UBE2D3: variants seen among roughly 807,000 people sequenced by gnomAD.
The protein encoded by UBE2D3 is ubiquitin-conjugating enzyme E2 D3.
In UBE2D3, 2 loss-of-function variants were observed where a neutral mutation model predicts 22.8. The observed-to-expected ratio is 0.09, with a 90% CI of 0.04 to 0.28. The LOEUF is 0.28. UBE2D3 is among the 10% of genes least tolerant of loss of function. UBE2D3 has a pLI of 1.00. For synonymous variants in UBE2D3, 56 were observed against 60.4 expected, an observed-to-expected ratio of 0.93 and a Z score of 0.34; for missense variants, 27 against 182.5, an observed-to-expected ratio of 0.15 and a Z score of 4.91.
At chr4:102,846,455 A>G (rs1732045329) in intron 1 of UBE2D3, among the ~76,000 whole-genome samples, 1 of 152,236 alleles carries the variant, frequency 6.6e-6, no homozygotes, top group Admixed American at 6.5e-5. Flanking sequence ...ACCCATGCCA[A>G]TAAATTTGCC....
Position 102,836,770 on chromosome 4 carries a change from T to C in UBE2D3, c.-128-10134A>G, listed in dbSNP as rs535110385. On this transcript the variant is annotated intron_variant, in intron 1 of 7. Coordinates refer to the UBE2D3 transcript ENST00000338145. ...TTTGCATTTTCCTAGTGACCAATGA[T>C]ATTGGCATTTTTTCATGTGCTTCTT... Among the ~76,000 whole-genome samples, 5 of 152,356 alleles carry C rather than the reference T, an allele frequency of 3.3e-5. No homozygotes were observed. In the South Asian group the frequency reaches 1.0e-3, roughly 32 times the overall value.
chr4:102,828,977 T>A (rs1730949358), upstream of UBE2D3, among the ~76,000 whole-genome samples: 1 of 152,232 alleles, frequency 6.6e-6, no homozygotes. Flanking sequence ...AAACTTGTTT[T>A]AAAAATACAC....
At chr4:102,826,141 C>A (rs1730435610) in intron 2 of UBE2D3, among the ~76,000 whole-genome samples, 1 of 152,082 alleles carries the variant, frequency 6.6e-6, no homozygotes, top group Non-Finnish European at 1.5e-5. Flanking sequence ...GCCATGACAT[C>A]TGCTGGAGCG....
intron 2 of UBE2D3, among the ~76,000 whole-genome samples, chr4:102,819,329 CA>C (rs762178343): frequency 0.013 from 1,113 of 85,356 alleles, 6 homozygotes; most frequent in Middle Eastern, 0.032. Flanking sequence ...GACTCCGCCT[CA>C]AAAAAAAAAA....
chr4:102,825,383 A>G, intron 2 of UBE2D3: 1 of 1,027,786 alleles, frequency 9.7e-7, no homozygotes, highest in Non-Finnish European at 1.2e-6. Context: ...AATACAGTTT[A>G]AGAGTTTGAA....
chr4:102,828,095 G>A (rs1478914498), upstream of UBE2D3: 3 of 985,336 alleles, frequency 3.0e-6, no homozygotes, highest in Non-Finnish European at 1.2e-6. Context: ...GTAAGGCACC[G>A]GCTCGAACTG....
intron 1 of UBE2D3, 22 bp from the exon 2 acceptor site, chr4:102,826,658 T>A: frequency 6.5e-7 from 1 of 1,547,826 alleles, no homozygotes; most frequent in African/African-American, 1.4e-5. Context: ...ACGGAGCAGA[T>A]CAGCACTCGC....
At chr4:102,846,553 T>C (rs540424993) in intron 1 of UBE2D3, among the ~76,000 whole-genome samples, 50 of 152,316 alleles carry the variant, frequency 3.3e-4, no homozygotes, top group Non-Finnish European at 6.6e-4. Flanking sequence ...CTACATAGGT[T>C]TTCTCTCTCC....
intron 1 of UBE2D3, among the ~76,000 whole-genome samples, chr4:102,837,289 A>G (rs1027707056): frequency 3.3e-5 from 5 of 152,244 alleles, no homozygotes; most frequent in Non-Finnish European, 7.3e-5. Context: ...ATTAAAAATT[A>G]TAGAAACTGA....
At chr4:102,868,434 A>G (rs1733278401) in intron 1 of UBE2D3, among the ~76,000 whole-genome samples, 1 of 152,152 alleles carries the variant, frequency 6.6e-6, no homozygotes, top group South Asian at 2.1e-4. Context: ...AAGGACTACT[A>G]CGAATCTTCT....
At chr4:102,867,601 T>A (rs1350316381) in intron 1 of UBE2D3, among the ~76,000 whole-genome samples, 1 of 152,206 alleles carries the variant, frequency 6.6e-6, no homozygotes, top group Admixed American at 6.5e-5. Flanking sequence ...CTATCCAGCC[T>A]GGGCGATATA....
chr4:102,857,822 T>A (rs1374156158), intron 1 of UBE2D3, among the ~76,000 whole-genome samples: 1 of 152,074 alleles, frequency 6.6e-6, no homozygotes, highest in East Asian at 1.9e-4. Flanking sequence ...GCCTCCTGAG[T>A]AGCTAGGATT....
intron 1 of UBE2D3, among the ~76,000 whole-genome samples, chr4:102,868,008 C>T (rs751684980): frequency 1.1e-4 from 17 of 151,762 alleles, no homozygotes; most frequent in Middle Eastern, 3.2e-3. Flanking sequence ...CATAAGGACC[C>T]CCTGCGCTAG....
intron 1 of UBE2D3, among the ~76,000 whole-genome samples, chr4:102,865,444 A>G (rs921609844): frequency 4.0e-5 from 6 of 150,758 alleles, no homozygotes; most frequent in African/African-American, 1.5e-4. Context: ...GTGAGCTGAG[A>G]TCGCGCCATT....
chr4:102,810,590 G>A (rs991838900), intron 2 of UBE2D3: 1 of 151,928 alleles, frequency 6.6e-6, no homozygotes, highest in African/African-American at 2.4e-5. Flanking sequence ...TGTTAACCAG[G>A]ATGGGTCTCG....
intron 1 of UBE2D3, 139 bp downstream of exon 1, chr4:102,827,288 C>CCCCAACCTT: frequency 1.1e-6 from 1 of 950,984 alleles, no homozygotes; most frequent in Non-Finnish European, 1.3e-6. Flanking sequence ...GCCGCGGCTT[C>CCCCAACCTT]CCCAACCTTC....
chr4:102,861,670 G>A (rs761051479), intron 1 of UBE2D3, among the ~76,000 whole-genome samples: 2 of 151,748 alleles, frequency 1.3e-5, no homozygotes, highest in Non-Finnish European at 2.9e-5. Flanking sequence ...CAGTAACCAT[G>A]GAATTTCTAA....
At chr4:102,806,085 G>A (rs1280716880) in intron 4 of UBE2D3, among the ~76,000 whole-genome samples, 1 of 152,148 alleles carries the variant, frequency 6.6e-6, no homozygotes, top group Admixed American at 6.5e-5. Flanking sequence ...TAATGATAAA[G>A]TGGTCTTTTA....
At chr4:102,822,122 T>C (rs867101354) in intron 2 of UBE2D3, among the ~76,000 whole-genome samples, 21 of 152,220 alleles carry the variant, frequency 1.4e-4, no homozygotes, top group African/African-American at 4.6e-4. Flanking sequence ...CAGTAGTTCA[T>C]CCCAGTGATG....
Sources: gnomAD v4.1 joint callset for allele counts (sites outside exome capture counted in the v4.1 genomes callset) on GRCh38, gnomAD v4.1.1 for gene constraint, MANE v1.5 for transcripts, NCBI Gene and HGNC (gene_info 2026-07-23, HGNC 2026-07-21) for gene names.